ASIC2: variants seen among roughly 807,000 people sequenced by gnomAD.
ASIC2 encodes the protein acid sensing ion channel subunit 2, also known as acid-sensing ion channel 2.
In ASIC2, 25 loss-of-function variants were observed where a neutral mutation model predicts 57.3. The observed-to-expected ratio is 0.44, with a 90% CI of 0.32 to 0.61. The LOEUF is 0.61. ASIC2 is among the 20% of genes least tolerant of loss of function. ASIC2 has a pLI of 0.06. For synonymous variants in ASIC2, 319 were observed against 307.5 expected (o/e 1.04, Z -0.39); for missense variants, 641 against 738.1 (o/e 0.87, Z 1.52).
chr17:33,752,253 T>A (rs530355622), intron 1 of ASIC2, among the ~76,000 whole-genome samples: 3 of 152,144 alleles, frequency 2.0e-5, no homozygotes, highest in African/African-American at 2.4e-5. Context: ...AGAGTTTCAC[T>A]TTTTCCTCCA....
chr17:33,758,278 C>A (rs1910675485), intron 1 of ASIC2, among the ~76,000 whole-genome samples: 1 of 152,084 alleles, frequency 6.6e-6, no homozygotes, highest in African/African-American at 2.4e-5. Flanking sequence ...ATATTGCTAC[C>A]AGAGCCAGTG....
chr17:34,072,460 G>A (rs1340582346), intron 1 of ASIC2: 1 of 152,162 alleles, frequency 6.6e-6, no homozygotes, highest in Non-Finnish European at 1.5e-5. Flanking sequence ...CAGTTAGAAC[G>A]TGGCAAAGCC....
chr17:34,025,502 T>C (rs1907342161), intron 1 of ASIC2, among the ~76,000 whole-genome samples: 1 of 152,192 alleles, frequency 6.6e-6, no homozygotes, highest in Non-Finnish European at 1.5e-5. Context: ...ACCCACTAAG[T>C]CCCACCTAGC....
At chr17:33,274,194 A>G (rs1363392221) in intron 1 of ASIC2, among the ~76,000 whole-genome samples, 2 of 152,192 alleles carry the variant, frequency 1.3e-5, no homozygotes, top group Non-Finnish European at 2.9e-5. Flanking sequence ...CTCTACTCTC[A>G]GGCTTATCTC....
At chr17:34,005,174 C>G (rs1328165572) in intron 1 of ASIC2, 1 of 149,946 alleles carries the variant, frequency 6.7e-6, no homozygotes, top group African/African-American at 2.5e-5. Flanking sequence ...TAACCTCCAT[C>G]TAGGCTCAGG....
At chr17:33,172,451 G>A (rs528875665) in intron 1 of ASIC2, among the ~76,000 whole-genome samples, 45 of 152,334 alleles carry the variant, frequency 3.0e-4, no homozygotes, top group African/African-American at 9.4e-4. Flanking sequence ...AATGGCAGTG[G>A]TGTTCGCTCT....
chr17:33,560,841 G>C (rs1323976197), intron 1 of ASIC2, among the ~76,000 whole-genome samples: 1 of 152,112 alleles, frequency 6.6e-6, no homozygotes, highest in Admixed American at 6.5e-5. Context: ...AAAAACTGAA[G>C]CTTAGATAAG....
At chr17:33,678,477 T>C (rs992221240) in intron 1 of ASIC2, among the ~76,000 whole-genome samples, 1 of 112,554 alleles carries the variant, frequency 8.9e-6, no homozygotes, top group African/African-American at 3.7e-5. Context: ...ACACACACTG[T>C]AGAGGTGAGG....
intron 1 of ASIC2, among the ~76,000 whole-genome samples, chr17:33,804,986 G>A (rs1254711284): frequency 2.6e-5 from 4 of 151,886 alleles, no homozygotes; most frequent in South Asian, 4.2e-4. Context: ...AGCCAGCCTG[G>A]TATCCTTAAA....
intron 1 of ASIC2, among the ~76,000 whole-genome samples, chr17:33,989,983 T>C (rs1196169116): frequency 6.6e-6 from 1 of 152,156 alleles, no homozygotes; most frequent in Admixed American, 6.5e-5. Context: ...CAGCCCTTCG[T>C]GCATAATTAG....
chr17:33,377,067 C>A (rs1039377781), intron 1 of ASIC2, among the ~76,000 whole-genome samples: 1 of 151,948 alleles, frequency 6.6e-6, no homozygotes, highest in Admixed American at 6.6e-5. Context: ...AGGGGGGGAG[C>A]GGAGATGGAG....
At chr17:33,807,941 A>G (rs1385495652) in intron 1 of ASIC2, among the ~76,000 whole-genome samples, 1 of 152,246 alleles carries the variant, frequency 6.6e-6, no homozygotes, top group East Asian at 1.9e-4. Context: ...ACAGTCCTTT[A>G]TCAGACACAT....
intron 1 of ASIC2, among the ~76,000 whole-genome samples, chr17:33,985,213 T>C (rs936116321): frequency 3.3e-5 from 5 of 152,138 alleles, no homozygotes; most frequent in Non-Finnish European, 5.9e-5. Context: ...GGATAGACCA[T>C]AGGCAGATGA....
intron 1 of ASIC2, among the ~76,000 whole-genome samples, chr17:33,702,181 C>G (rs1908724101): frequency 6.6e-6 from 1 of 152,168 alleles, no homozygotes; most frequent in African/African-American, 2.4e-5. Context: ...GTACTTACCT[C>G]AGTTCCTTCA....
intron 1 of ASIC2, among the ~76,000 whole-genome samples, chr17:33,919,895 C>A (rs894226648): frequency 6.6e-6 from 1 of 152,138 alleles, no homozygotes; most frequent in Admixed American, 6.5e-5. Context: ...AGAAGACAAA[C>A]AAGTGGCCAA....
At chr17:33,680,039 T>C (rs1412113224) in intron 1 of ASIC2, among the ~76,000 whole-genome samples, 1 of 151,992 alleles carries the variant, frequency 6.6e-6, no homozygotes, top group Non-Finnish European at 1.5e-5. Context: ...AGGGCTGTGT[T>C]ATTGATTGAT....
At chr17:34,033,818 T>G (rs1907736902) in intron 1 of ASIC2, among the ~76,000 whole-genome samples, 1 of 151,580 alleles carries the variant, frequency 6.6e-6, no homozygotes, top group African/African-American at 2.4e-5. Flanking sequence ...AACCAGGAAG[T>G]TGAATCTCTG....
chr17:33,279,131 G>T (rs1258479173), intron 1 of ASIC2, among the ~76,000 whole-genome samples: 1 of 152,198 alleles, frequency 6.6e-6, no homozygotes, highest in Non-Finnish European at 1.5e-5. Context: ...TTGATTTGTT[G>T]TAAGTTATAC....
chr17:34,145,423 G>C (rs1392609057), intron 1 of ASIC2, among the ~76,000 whole-genome samples: 1 of 152,178 alleles, frequency 6.6e-6, no homozygotes, highest in Admixed American at 6.5e-5. Flanking sequence ...CTCAGAGTTG[G>C]AAGTAACTTT....
Sources: allele counts gnomAD v4.1 joint callset (sites outside exome capture counted in the v4.1 genomes callset), GRCh38; gene constraint gnomAD v4.1.1; transcripts MANE v1.5; gene names NCBI Gene and HGNC (gene_info 2026-07-23, HGNC 2026-07-21).